The following SYT16 variants were observed in gnomAD, a reference collection of about 807,000 sequenced individuals.
The protein encoded by SYT16 is synaptotagmin-16.
Under a neutral mutation model 61.4 loss-of-function variants are expected in SYT16, and 42 were observed. The ratio of observed to expected loss-of-function variants is 0.68; its 90% CI spans 0.53 to 0.89. The LOEUF (loss-of-function observed/expected upper bound fraction) is 0.89, where lower values mean the gene tolerates loss of function less well. Among genes scored for constraint, SYT16 ranks in the 40% least tolerant of loss-of-function variants. The pLI is 0.00. For missense variants in SYT16, 804 were observed against 807.3 expected (o/e 1.00, Z 0.05); for synonymous variants, 314 against 302.3 (o/e 1.04, Z -0.40).
chr14:61,890,078 A>T (rs1405818750), intron 1 of SYT16, among the ~76,000 whole-genome samples: 2 of 152,192 alleles, frequency 1.3e-5, no homozygotes, highest in African/African-American at 4.8e-5. Context: ...AAGAGGCAGG[A>T]TATTGCTCTA....
At chr14:61,985,141 A>T (rs2052248439) in intron 2 of SYT16, among the ~76,000 whole-genome samples, 1 of 152,180 alleles carries the variant, frequency 6.6e-6, no homozygotes, top group Admixed American at 6.5e-5. Context: ...GTCATCAAGG[A>T]CCCTAGGAGA....
At chr14:61,895,715 C>T (rs146619360) in intron 1 of SYT16, among the ~76,000 whole-genome samples, 1 of 152,298 alleles carries the variant, frequency 6.6e-6, no homozygotes, top group Admixed American at 6.5e-5. Context: ...ATTGTTACTA[C>T]TACTGCTACT....
intron 1 of SYT16, among the ~76,000 whole-genome samples, chr14:61,881,034 CAG>C (rs1461892579): frequency 6.6e-6 from 1 of 152,104 alleles, no homozygotes; most frequent in Non-Finnish European, 1.5e-5. Flanking sequence ...GATCAAAAAA[CAG>C]AACATTATTT....
chr14:61,933,411 C>T (rs2049853947), intron 1 of SYT16, among the ~76,000 whole-genome samples: 1 of 152,200 alleles, frequency 6.6e-6, no homozygotes, highest in African/African-American at 2.4e-5. Flanking sequence ...ACCCTGTTTT[C>T]CCAGCCTCTA....
intron 2 of SYT16, among the ~76,000 whole-genome samples, chr14:61,986,821 A>G (rs986913976): frequency 2.0e-5 from 3 of 152,252 alleles, no homozygotes; most frequent in Non-Finnish European, 4.4e-5. Context: ...AAGAAGCAGT[A>G]TGTAATATTT....
chr14:61,858,886 A>G (rs1364761339), intron 1 of SYT16, among the ~76,000 whole-genome samples: 6 of 142,226 alleles, frequency 4.2e-5, no homozygotes, highest in South Asian at 2.2e-4. Context: ...ACGGAGTCTC[A>G]CTCTGTTGCC....
chr14:61,859,708 A>G (rs2046908309), intron 1 of SYT16, among the ~76,000 whole-genome samples: 1 of 152,020 alleles, frequency 6.6e-6, no homozygotes, highest in African/African-American at 2.4e-5. Context: ...AACCAAATTA[A>G]GTCACCTGAG....
intron 7 of SYT16, among the ~76,000 whole-genome samples, chr14:62,089,333 T>TG (rs1276792130): frequency 7.3e-6 from 1 of 136,892 alleles, no homozygotes; most frequent in African/African-American, 2.6e-5. Context: ...AAAAAAAAAA[T>TG]GGGGTACTGA....
intron 1 of SYT16, among the ~76,000 whole-genome samples, chr14:61,915,376 A>G (rs1490159107): frequency 1.3e-5 from 2 of 152,178 alleles, no homozygotes; most frequent in African/African-American, 4.8e-5. Flanking sequence ...GTATGCATAC[A>G]TAACATACAT....
chr14:61,886,369 A>G (rs766773188), intron 1 of SYT16, among the ~76,000 whole-genome samples: 3 of 152,154 alleles, frequency 2.0e-5, no homozygotes, highest in Non-Finnish European at 2.9e-5. Flanking sequence ...GTTTGATAGC[A>G]TTTTACCCAC....
intron 1 of SYT16, among the ~76,000 whole-genome samples, chr14:61,950,632 C>A (rs1485631101): frequency 6.6e-6 from 1 of 152,154 alleles, no homozygotes; most frequent in Non-Finnish European, 1.5e-5. Flanking sequence ...TCTAGAACTT[C>A]GGCCCACGTG....
chr14:61,823,999 T>C (rs1017622901), intron 1 of SYT16, among the ~76,000 whole-genome samples: 1 of 152,252 alleles, frequency 6.6e-6, no homozygotes, highest in Non-Finnish European at 1.5e-5. Context: ...TCCCACTCTT[T>C]ATGAAGTCAG....
intron 1 of SYT16, among the ~76,000 whole-genome samples, chr14:61,962,529 A>G (rs2051156136): frequency 6.6e-6 from 1 of 152,164 alleles, no homozygotes; most frequent in South Asian, 2.1e-4. Context: ...TGAGATTCAT[A>G]AATCTGGATG....
At chr14:61,813,305 C>G (rs1275957169) in intron 1 of SYT16, among the ~76,000 whole-genome samples, 1 of 152,200 alleles carries the variant, frequency 6.6e-6, no homozygotes, top group African/African-American at 2.4e-5. Flanking sequence ...GAGACCGCAT[C>G]TGGTTACCAT....
At chr14:61,949,804 G>A (rs573893622) in intron 1 of SYT16, among the ~76,000 whole-genome samples, 13 of 152,184 alleles carry the variant, frequency 8.5e-5, no homozygotes, top group Non-Finnish European at 1.8e-4. Flanking sequence ...TTCTGATCTG[G>A]TGAGGGTAGC....
In SYT16 at chr14:62,069,746, C is replaced by G; in HGVS notation, c.667C>G (p.Gln223Glu). ...GAAAGGAAAGCAGACAGGATTGGAG[C>G]AGAAACCAAAATTCAGCCGTTCGTT... ...SEKGKQTGLEQKPKFSRSLLT... is the reference protein window; with the variant it reads ...SEKGKQTGLEEKPKFSRSLLT... Residue 223 changes from glutamine (Q) to glutamate (E), a missense_variant, in exon 4 of 8, where the codon CAG becomes GAG. Transcript: ENST00000683842. 1 of 1,613,996 alleles carries G rather than the reference C, an allele frequency of 6.2e-7. No homozygotes were observed. Among genetic ancestry groups the G allele is most frequent in the Non-Finnish European group, 8.5e-7 (1 of 1,179,894 alleles).
intron 1 of SYT16, among the ~76,000 whole-genome samples, chr14:61,848,424 GTCTC>G (rs35391609): frequency 6.6e-5 from 10 of 150,710 alleles, no homozygotes; most frequent in Admixed American, 4.6e-4. Context: ...AACAAAAGGA[GTCTC>G]TCTCTCTCTC....
intron 1 of SYT16, among the ~76,000 whole-genome samples, chr14:61,813,569 C>CCTAG (rs973499904): frequency 5.9e-5 from 9 of 152,136 alleles, no homozygotes; most frequent in Non-Finnish European, 1.0e-4. Flanking sequence ...ATCCAAAGTC[C>CCTAG]CTAGCACAGG....
chr14:62,021,262 G>T (rs1260641211), intron 3 of SYT16, among the ~76,000 whole-genome samples: 1 of 152,114 alleles, frequency 6.6e-6, no homozygotes, highest in African/African-American at 2.4e-5. Flanking sequence ...CTTGGAATTT[G>T]CCTAGTGGGC....
Sources: allele counts gnomAD v4.1 joint callset (sites outside exome capture counted in the v4.1 genomes callset), GRCh38; gene constraint gnomAD v4.1.1; transcripts MANE v1.5; gene names NCBI Gene and HGNC (gene_info 2026-07-23, HGNC 2026-07-21).